PRLR: variants seen among roughly 807,000 people sequenced by gnomAD.
The protein encoded by PRLR is prolactin receptor.
Under a neutral mutation model 40.2 loss-of-function variants are expected in PRLR, and 13 were observed. The ratio of observed to expected loss-of-function variants is 0.32; its 90% CI spans 0.21 to 0.51. The LOEUF (loss-of-function observed/expected upper bound fraction) is 0.51. PRLR is among the 20% of genes least tolerant of loss of function. The pLI, the probability that PRLR is intolerant of heterozygous loss-of-function variation, is 0.97. For synonymous variants in PRLR, 269 were observed against 278.7 expected (o/e 0.97, Z 0.35); for missense variants, 656 against 747.3 (o/e 0.88, Z 1.42).
At position 35,057,702 on chromosome 5, in the gene PRLR, G is replaced by GT. The variant is rs1768800130; in HGVS notation, c.*7386_*7387insA. 1 of 151,962 alleles carries GT rather than the reference G, an allele frequency of 6.6e-6. No individual in the cohort carries two copies. The highest frequency in any genetic ancestry group is 2.4e-5 in the African/African-American group (1 of 41,394). The allele number at this position is 151,962 out of a possible 1,614,324, so 9.4% of individuals were successfully genotyped here. On this transcript the variant is annotated 3_prime_UTR_variant, in exon 10 of 10. Transcript: ENST00000618457. ...TGCCATAAGCAAAGATTTACAGAATGAAAAATGCAAAATAACAAATCAGAT... is the reference window on the plus strand; with the variant it reads ...TGCCATAAGCAAAGATTTACAGAATGTAAAAATGCAAAATAACAAATCAGAT...
chr5:35,113,475 ATC>A (rs1772819064), intron 2 of PRLR, among the ~76,000 whole-genome samples: 1 of 145,544 alleles, frequency 6.9e-6, no homozygotes, highest in Non-Finnish European at 1.5e-5. Context: ...CCATCCATCC[ATC>A]CATCCATCCA....
At chr5:35,191,999 A>G (rs1775620298) in intron 1 of PRLR, among the ~76,000 whole-genome samples, 1 of 152,120 alleles carries the variant, frequency 6.6e-6, no homozygotes, top group Non-Finnish European at 1.5e-5. Flanking sequence ...TTCTTTCTAG[A>G]TCCGCCCAGT....
chr5:35,217,885 C>T (rs1776322788), intron 1 of PRLR, among the ~76,000 whole-genome samples: 2 of 152,112 alleles, frequency 1.3e-5, no homozygotes, highest in South Asian at 2.1e-4. Flanking sequence ...CACATAACTG[C>T]CATTAATTGC....
chr5:35,192,319 G>T lies in PRLR; in HGVS notation c.-106+37949C>A, dbSNP rs374032749. Among the ~76,000 whole-genome samples, 10 of 152,230 alleles carry T rather than the reference G, an allele frequency of 6.6e-5. No homozygotes were observed. The East Asian group carries it at 9.7e-4, about 15-fold the overall frequency. On this transcript the variant is annotated intron_variant, in intron 1 of 9. Transcript: ENST00000618457. ...TCTTTAATGTCCCTGGAAATTCAGGGCTCCTTGTGAATGAGCTAGTGCCAT... is the reference window on the plus strand; with the variant it reads ...TCTTTAATGTCCCTGGAAATTCAGGTCTCCTTGTGAATGAGCTAGTGCCAT...
intron 1 of PRLR, among the ~76,000 whole-genome samples, chr5:35,191,404 G>A (rs35363564): frequency 0.077 from 11,577 of 151,218 alleles, 1,034 homozygotes; most frequent in African/African-American, 0.19. Flanking sequence ...TCTCTCCCCA[G>A]CCTGCCTTCC....
At chr5:35,073,731 G>A (rs1272234486) in intron 5 of PRLR, among the ~76,000 whole-genome samples, 1 of 152,182 alleles carries the variant, frequency 6.6e-6, no homozygotes, top group Non-Finnish European at 1.5e-5. Context: ...GCTGACGTGA[G>A]TGAAGTGCAT....
intron 5 of PRLR, among the ~76,000 whole-genome samples, chr5:35,073,618 A>G (rs1293105810): frequency 6.6e-6 from 1 of 152,230 alleles, no homozygotes; most frequent in African/African-American, 2.4e-5. Context: ...ATTTGAACCC[A>G]TAACTATGTG....
chr5:35,159,192 T>A (rs1774598310), intron 1 of PRLR, among the ~76,000 whole-genome samples: 1 of 152,000 alleles, frequency 6.6e-6, no homozygotes, highest in Non-Finnish European at 1.5e-5. Context: ...TCATAGCCCC[T>A]CATTCTGCAC....
At chr5:35,095,074 C>T (rs1310375650) in intron 2 of PRLR, among the ~76,000 whole-genome samples, 2 of 152,064 alleles carry the variant, frequency 1.3e-5, no homozygotes, top group Non-Finnish European at 2.9e-5. Context: ...GGAAATTTAC[C>T]CGCCTTGGCC....
chr5:35,184,762 G>C (rs1775380704), intron 1 of PRLR, among the ~76,000 whole-genome samples: 1 of 152,210 alleles, frequency 6.6e-6, no homozygotes, highest in South Asian at 2.1e-4. Context: ...TGAGGTGGTA[G>C]ACTTCTAAGC....
At position 35,139,957 on chromosome 5, in the gene PRLR, G is replaced by A. The variant is rs1475075310; in HGVS notation, c.-105-21835C>T. On this transcript the variant is annotated intron_variant, in intron 1 of 9. Coordinates refer to ENST00000618457, the MANE Select transcript of PRLR (RefSeq NM_000949.7). ...AAATGAGCAAGTAGAGAAAATAAAAGTCTTTGAAGTAATTACATTGGTGAA... is the reference window on the plus strand; with the variant it reads ...AAATGAGCAAGTAGAGAAAATAAAAATCTTTGAAGTAATTACATTGGTGAA... 3.3e-5 allele frequency among the ~76,000 whole-genome samples: 5 copies of A among 152,186 alleles called. No homozygotes were observed. The East Asian group carries it at 9.7e-4, about 29-fold the overall frequency.
chr5:35,215,746 G>T (rs1219725015), intron 1 of PRLR, among the ~76,000 whole-genome samples: 1 of 151,656 alleles, frequency 6.6e-6, no homozygotes, highest in Non-Finnish European at 1.5e-5. Context: ...TTTAGAAATA[G>T]AAGTAAGGGC....
chr5:35,075,326 G>C (rs746619583), intron 5 of PRLR, among the ~76,000 whole-genome samples: 39 of 152,188 alleles, frequency 2.6e-4, no homozygotes, highest in Admixed American at 6.5e-5. Flanking sequence ...GGAAAATTGG[G>C]ACACTACCAC....
At chr5:35,138,866 C>G (rs1017375383) in intron 1 of PRLR, among the ~76,000 whole-genome samples, 2 of 152,064 alleles carry the variant, frequency 1.3e-5, no homozygotes, top group African/African-American at 4.8e-5. Flanking sequence ...AAAAAATCTT[C>G]CAGTTAAATC....
chr5:35,107,150 CAGAA>C (rs1772314956), intron 2 of PRLR, among the ~76,000 whole-genome samples: 1 of 152,148 alleles, frequency 6.6e-6, no homozygotes, highest in Admixed American at 6.5e-5. Flanking sequence ...TAAATGAAGG[CAGAA>C]AGAAAGATGT....
intron 1 of PRLR, among the ~76,000 whole-genome samples, chr5:35,199,207 G>A (rs141869401): frequency 6.6e-6 from 1 of 152,298 alleles, no homozygotes; most frequent in Non-Finnish European, 1.5e-5. Flanking sequence ...AAATGCTATA[G>A]GAGGAATGCA....
chr5:35,106,334 C>A (rs1157038732), intron 2 of PRLR, among the ~76,000 whole-genome samples: 1 of 152,130 alleles, frequency 6.6e-6, no homozygotes, highest in Non-Finnish European at 1.5e-5. Flanking sequence ...AGCAAAATAA[C>A]CAGCTAGCAT....
In PRLR at chr5:35,166,689, A is replaced by T. The variant is rs578110777; in HGVS notation, c.-105-48567T>A. The stretch of plus-strand genomic sequence containing the variant: ...GATACTCCACAAAAAATGAGGGTAG[A>T]CTTATTCTTAGATAAAAATTCTCAA... On this transcript the variant is annotated intron_variant, in intron 1 of 9. Coordinates refer to ENST00000618457, the MANE Select transcript of PRLR (RefSeq NM_000949.7). Among the ~76,000 whole-genome samples, 4 of 152,300 alleles carry T rather than the reference A, an allele frequency of 2.6e-5. No individual in the cohort carries two copies. The East Asian group carries it at 7.7e-4, about 29-fold the overall frequency.
chr5:35,110,300 A>T (rs1265513675), intron 2 of PRLR, among the ~76,000 whole-genome samples: 1 of 152,142 alleles, frequency 6.6e-6, no homozygotes, highest in Non-Finnish European at 1.5e-5. Flanking sequence ...CCAACATGGC[A>T]CATGTATACA....
Sources: gnomAD v4.1 joint callset for allele counts (sites outside exome capture counted in the v4.1 genomes callset) on GRCh38, gnomAD v4.1.1 for gene constraint, MANE v1.5 for transcripts, NCBI Gene and HGNC (gene_info 2026-07-23, HGNC 2026-07-21) for gene names.